Variants in ANKS1B observed in about 807,000 individuals in gnomAD.
The protein encoded by ANKS1B is ankyrin repeat and sterile alpha motif domain containing 1B.
A neutral mutation model predicts 148.3 loss-of-function variants in ANKS1B; 36 were observed. That is an observed-to-expected ratio of 0.24 (90% CI 0.19 to 0.32). ANKS1B has a LOEUF of 0.32. ANKS1B is among the 10% of genes least tolerant of loss of function. The pLI, the probability that ANKS1B is intolerant of heterozygous loss-of-function variation, is 1.00. For synonymous variants in ANKS1B, 542 were observed against 560.8 expected (o/e 0.97, Z 0.47); for missense variants, 1,157 against 1,542.6 (o/e 0.75, Z 4.19).
At chr12:99,054,926 A>T (rs1198632218) in intron 16 of ANKS1B, among the ~76,000 whole-genome samples, 1 of 152,170 alleles carries the variant, frequency 6.6e-6, no homozygotes, top group East Asian at 1.9e-4. Flanking sequence ...TTTGTACTTC[A>T]CTTTTACATT....
chr12:99,603,047 T>C (rs2097818558), intron 9 of ANKS1B, among the ~76,000 whole-genome samples: 1 of 152,090 alleles, frequency 6.6e-6, no homozygotes, highest in African/African-American at 2.4e-5. Context: ...AAAATATTTA[T>C]TGACCATTTT....
At chr12:99,484,323 T>G (rs576528037) in intron 10 of ANKS1B, among the ~76,000 whole-genome samples, 1 of 152,086 alleles carries the variant, frequency 6.6e-6, no homozygotes, top group Admixed American at 6.6e-5. Context: ...CCTTTTTGAG[T>G]TGATTTCTGG....
At chr12:99,115,435 A>T (rs1251402075) in intron 15 of ANKS1B, among the ~76,000 whole-genome samples, 1 of 152,160 alleles carries the variant, frequency 6.6e-6, no homozygotes, top group Non-Finnish European at 1.5e-5. Flanking sequence ...TCATGAACAC[A>T]AAGAAGAGAA....
intron 12 of ANKS1B, among the ~76,000 whole-genome samples, chr12:99,315,863 C>T (rs564225150): frequency 2.0e-5 from 3 of 152,082 alleles, no homozygotes; most frequent in African/African-American, 7.2e-5. Context: ...ATGTTCCTCA[C>T]TCTGTGTCCA....
In ANKS1B at chr12:99,050,032, T is replaced by A. The variant is rs77567095; in HGVS notation, c.2778+3125A>T. Among the ~76,000 whole-genome samples the A allele has an allele frequency of 4.1e-3, 622 of 152,316 alleles. 24 individuals carry two copies. In the East Asian group the frequency reaches 0.087, roughly 21 times the overall value. ...AGCGACTCATTACAATGGTTCAGGATGTGAACTTCCCTAAAAGGCTTTGCT... is the reference window on the plus strand; with the variant it reads ...AGCGACTCATTACAATGGTTCAGGAAGTGAACTTCCCTAAAAGGCTTTGCT... On this transcript the variant is annotated intron_variant, in intron 17 of 26. Transcript: ENST00000683438.
chr12:99,126,551 C>T lies in ANKS1B; in HGVS notation c.2526+27738G>A, dbSNP rs141913999. Among the ~76,000 whole-genome samples the T allele has an allele frequency of 6.4e-4, 98 of 152,136 alleles. 1 individual carries two copies. The East Asian group carries it at 0.013, about 21-fold the overall frequency. The stretch of plus-strand genomic sequence containing the variant: ...ATCACTGAGTAAAACCTATGCATGG[C>T]GAAGATATGTCATGTTTTATCTCAT... On this transcript the variant is annotated intron_variant, in intron 15 of 26. Transcript: ENST00000683438.
At chr12:99,489,786 CTCTTTTT>C (rs1272988061) in intron 10 of ANKS1B, among the ~76,000 whole-genome samples, 1 of 152,154 alleles carries the variant, frequency 6.6e-6, no homozygotes, top group Non-Finnish European at 1.5e-5. Flanking sequence ...TTCCATTATT[CTCTTTTT>C]ATTGCCTTTA....
chr12:99,504,494 C>T lies in ANKS1B; in HGVS notation c.1420G>A (p.Ala474Thr). The T allele has an allele frequency of 1.2e-6, 2 of 1,611,952 alleles. No individual in the cohort carries two copies. The highest frequency in any genetic ancestry group is 1.7e-6 in the Non-Finnish European group (2 of 1,179,282). Residue 474 changes from alanine to threonine, a missense_variant, in exon 10 of 27, where the codon GCA becomes ACA. By Grantham distance (58) the Ala-to-Thr change is moderately conservative (BLOSUM62 0). This residue lies in a region of ANKS1B where 661 missense variants were observed against 642.1 expected (regional missense o/e 1.03). Transcript: ENST00000683438. The stretch of plus-strand genomic sequence containing the variant: ...ATATTACCAGTTCTTGGGGAAGGTG[C>T]CCTTGCAATTTCTAAGGAGCAAGGT... Reference protein sequence around the residue: ...KKPCSLEIARAPSPRTDNASE... With the variant: ...KKPCSLEIARTPSPRTDNASE...
chr12:98,750,118 G>T (rs762319551), intron 26 of ANKS1B, among the ~76,000 whole-genome samples: 1 of 152,132 alleles, frequency 6.6e-6, no homozygotes, highest in Non-Finnish European at 1.5e-5. Context: ...AAAGAAGCTG[G>T]CCACGTGAGT....
At chr12:98,811,788 T>C (rs1309297009) in intron 19 of ANKS1B, among the ~76,000 whole-genome samples, 2 of 152,158 alleles carry the variant, frequency 1.3e-5, no homozygotes, top group African/African-American at 4.8e-5. Context: ...GCTCCATGAT[T>C]GATAGCTTTC....
intron 17 of ANKS1B, among the ~76,000 whole-genome samples, chr12:99,029,905 T>G (rs961006197): frequency 6.6e-6 from 1 of 152,228 alleles, no homozygotes; most frequent in African/African-American, 2.4e-5. Context: ...TGGTAACACC[T>G]GCCTTACCAG....
chr12:99,432,087 C>T (rs575359952), intron 11 of ANKS1B, among the ~76,000 whole-genome samples: 2 of 152,310 alleles, frequency 1.3e-5, no homozygotes, highest in South Asian at 4.1e-4. Context: ...CACATGTTTT[C>T]ACTTTCCCTT....
intron 3 of ANKS1B, among the ~76,000 whole-genome samples, chr12:99,808,571 C>A (rs1383279839): frequency 6.6e-6 from 1 of 152,046 alleles, no homozygotes; most frequent in Non-Finnish European, 1.5e-5. Context: ...TTACTATAAT[C>A]TACTTCTTCA....
intron 17 of ANKS1B, among the ~76,000 whole-genome samples, chr12:98,978,091 A>G (rs1420073571): frequency 6.6e-6 from 1 of 152,066 alleles, no homozygotes; most frequent in Non-Finnish European, 1.5e-5. Context: ...TTTCAGAGAC[A>G]GCATATAGTT....
intron 8 of ANKS1B, among the ~76,000 whole-genome samples, chr12:99,704,027 T>C (rs1044271895): frequency 1.3e-5 from 2 of 152,118 alleles, no homozygotes; most frequent in Non-Finnish European, 2.9e-5. Context: ...AGTAACGTGA[T>C]TTGGGCCTTT....
At chr12:99,597,443 G>A (rs2097767677) in intron 9 of ANKS1B, among the ~76,000 whole-genome samples, 1 of 151,984 alleles carries the variant, frequency 6.6e-6, no homozygotes, top group South Asian at 2.1e-4. Context: ...AACCTGTGAA[G>A]TATTTCCTCC....
intron 12 of ANKS1B, among the ~76,000 whole-genome samples, chr12:99,329,198 T>G (rs1316886390): frequency 6.6e-6 from 1 of 151,928 alleles, no homozygotes; most frequent in African/African-American, 2.4e-5. Context: ...TAGCTGACAT[T>G]TTTCCAAATT....
chr12:99,040,490 T>C (rs1404099702), intron 17 of ANKS1B, among the ~76,000 whole-genome samples: 1 of 152,186 alleles, frequency 6.6e-6, no homozygotes, highest in South Asian at 2.1e-4. Flanking sequence ...CGGATGTTCA[T>C]TCTGTTGTTA....
intron 8 of ANKS1B, among the ~76,000 whole-genome samples, chr12:99,677,942 C>T (rs2098589595): frequency 6.6e-6 from 1 of 152,108 alleles, no homozygotes; most frequent in Non-Finnish European, 1.5e-5. Flanking sequence ...CACTGCATTC[C>T]AGCATGGACA....
Sources: gnomAD v4.1 joint callset for allele counts (sites outside exome capture counted in the v4.1 genomes callset) on GRCh38, gnomAD v4.1.1 for gene constraint, gnomAD v4.1.1 regional missense constraint, MANE v1.5 for transcripts, NCBI Gene and HGNC (gene_info 2026-07-23, HGNC 2026-07-21) for gene names.